ATP8A2: variants seen among roughly 807,000 people sequenced by gnomAD.
ATP8A2 encodes ATPase phospholipid transporting 8A2.
A neutral mutation model predicts 165.6 loss-of-function variants in ATP8A2; 100 were observed. That is an observed-to-expected ratio of 0.60 (90% CI 0.51 to 0.71). The LOEUF (loss-of-function observed/expected upper bound fraction) is 0.71, where lower values mean the gene tolerates loss of function less well. ATP8A2 is among the 30% of genes least tolerant of loss of function. The probability of loss-of-function intolerance (pLI) is 0.00; values close to 1 mark genes in which losing one functional copy is unlikely to be tolerated. For synonymous variants in ATP8A2, 543 were observed against 548.8 expected, an observed-to-expected ratio of 0.99 and a Z score of 0.15; for missense variants, 1,227 against 1,479.5, an observed-to-expected ratio of 0.83 and a Z score of 2.80.
At chr13:25,852,659 A>T (rs185465592) in intron 30 of ATP8A2, among the ~76,000 whole-genome samples, 45 of 152,308 alleles carry the variant, frequency 3.0e-4, no homozygotes, top group African/African-American at 9.9e-4. Flanking sequence ...TCAGTTAATT[A>T]GTACAAACTC....
chr13:25,938,847 C>CT (rs796202933), intron 33 of ATP8A2, among the ~76,000 whole-genome samples: 7,090 of 144,396 alleles, frequency 0.049, 508 homozygotes, highest in African/African-American at 0.16. Flanking sequence ...TTCTCCTTTC[C>CT]TTTTTTTTTT....
chr13:25,830,299 C>T (rs149172098), intron 28 of ATP8A2, among the ~76,000 whole-genome samples: 14 of 152,148 alleles, frequency 9.2e-5, no homozygotes, highest in South Asian at 4.2e-4. Flanking sequence ...AGTCATGAGC[C>T]GCAAACTTTT....
chr13:25,568,551 C>A (rs184437803), intron 16 of ATP8A2, among the ~76,000 whole-genome samples: 4 of 152,144 alleles, frequency 2.6e-5, no homozygotes, highest in Non-Finnish European at 4.4e-5. Context: ...GAGGTACATA[C>A]AATAGGCAAA....
intron 18 of ATP8A2, 135 bp downstream of exon 18, chr13:25,571,827 G>A (rs765815354): frequency 3.7e-6 from 3 of 812,506 alleles, no homozygotes; most frequent in South Asian, 2.8e-5. Context: ...ACAAACTGGA[G>A]TTAATGTGAT....
intron 1 of ATP8A2, among the ~76,000 whole-genome samples, chr13:25,402,727 C>A (rs75458246): frequency 0.01 from 1,560 of 152,242 alleles, 24 homozygotes; most frequent in African/African-American, 0.035. Flanking sequence ...GAGGGCTCCG[C>A]CTTTGAGAAT....
intron 34 of ATP8A2, among the ~76,000 whole-genome samples, chr13:25,964,455 G>T (rs896530010): frequency 6.6e-6 from 1 of 152,156 alleles, no homozygotes; most frequent in South Asian, 2.1e-4. Context: ...AAATTCGGAG[G>T]CTTCTCACAA....
intron 1 of ATP8A2, among the ~76,000 whole-genome samples, chr13:25,458,134 A>T (rs1012027485): frequency 1.3e-5 from 2 of 152,168 alleles, no homozygotes. Flanking sequence ...CCCAAGAAAG[A>T]TTAGAAGGAA....
At chr13:25,904,257 C>G (rs1214500335) in intron 33 of ATP8A2, among the ~76,000 whole-genome samples, 1 of 152,182 alleles carries the variant, frequency 6.6e-6, no homozygotes, top group African/African-American at 2.4e-5. Flanking sequence ...AAATCAGAAA[C>G]CTTGGGGAGT....
At chr13:25,485,009 A>G (rs2137605062) in intron 2 of ATP8A2, among the ~76,000 whole-genome samples, 1 of 152,290 alleles carries the variant, frequency 6.6e-6, no homozygotes, top group East Asian at 1.9e-4. Context: ...TTTCTCTAGT[A>G]CTCAGCTTTG....
chr13:25,835,190 G>A (rs1331953655), intron 28 of ATP8A2, among the ~76,000 whole-genome samples: 2 of 152,284 alleles, frequency 1.3e-5, no homozygotes, highest in Non-Finnish European at 1.5e-5. Flanking sequence ...CAATGGAGGT[G>A]AGAGTATGTA....
chr13:25,922,517 A>T lies in ATP8A2; in HGVS notation c.3184-39058A>T, dbSNP rs903434957. Among the ~76,000 whole-genome samples the T allele has an allele frequency of 9.9e-5, 15 of 152,206 alleles. 1 individual carries two copies. The highest frequency in any genetic ancestry group is 2.9e-4 in the African/African-American group (12 of 41,458). On this transcript the variant is annotated intron_variant, in intron 33 of 36. Transcript: ENST00000381655. ...ATTTGCAGAGATGACAGAAAGGGACATCTGTTTCCAGTCAGTGGGCAGGGA... is the reference window on the plus strand; with the variant it reads ...ATTTGCAGAGATGACAGAAAGGGACTTCTGTTTCCAGTCAGTGGGCAGGGA...
chr13:25,868,881 A>G (rs1952598057), intron 33 of ATP8A2, among the ~76,000 whole-genome samples: 1 of 152,092 alleles, frequency 6.6e-6, no homozygotes, highest in Non-Finnish European at 1.5e-5. Flanking sequence ...CACTCTGGCT[A>G]ACACAGTGAA....
chr13:25,451,276 A>G (rs535819413), intron 1 of ATP8A2, among the ~76,000 whole-genome samples: 3 of 152,244 alleles, frequency 2.0e-5, no homozygotes, highest in African/African-American at 4.8e-5. Context: ...TTTCCATTAC[A>G]AATTCAATTC....
At chr13:25,393,860 G>A (rs2033332546) in intron 1 of ATP8A2, among the ~76,000 whole-genome samples, 1 of 152,198 alleles carries the variant, frequency 6.6e-6, no homozygotes, top group African/African-American at 2.4e-5. Context: ...GGGGTTAGCT[G>A]GGAAGGGTCC....
intron 35 of ATP8A2, among the ~76,000 whole-genome samples, chr13:26,002,144 A>G (rs2139324294): frequency 6.6e-6 from 1 of 152,326 alleles, no homozygotes; most frequent in Middle Eastern, 3.4e-3. Flanking sequence ...TTTTGTGATG[A>G]GACATTTGAA....
At chr13:25,644,483 G>C (rs78051659) in intron 24 of ATP8A2, among the ~76,000 whole-genome samples, 4,465 of 150,260 alleles carry the variant, frequency 0.03, 123 homozygotes, top group East Asian at 0.13. Flanking sequence ...GAGGATTTTT[G>C]CATCTGTGTT....
At chr13:25,996,191 A>G (rs377474187) in intron 35 of ATP8A2, among the ~76,000 whole-genome samples, 13 of 152,206 alleles carry the variant, frequency 8.5e-5, no homozygotes, top group Non-Finnish European at 1.6e-4. Flanking sequence ...AAAAGGCAGT[A>G]TGTAATTGGC....
intron 2 of ATP8A2, among the ~76,000 whole-genome samples, chr13:25,523,791 G>A (rs2037746278): frequency 6.6e-6 from 1 of 151,664 alleles, no homozygotes; most frequent in Admixed American, 6.6e-5. Flanking sequence ...TGTCAATTTT[G>A]CTTATCTTTT....
At chr13:25,829,036 G>T (rs1951388300) in intron 28 of ATP8A2, among the ~76,000 whole-genome samples, 1 of 152,166 alleles carries the variant, frequency 6.6e-6, no homozygotes, top group Admixed American at 6.5e-5. Flanking sequence ...AACCTATGGT[G>T]CTATAAATCC....
Sources: gnomAD v4.1 joint callset for allele counts (sites outside exome capture counted in the v4.1 genomes callset) on GRCh38, gnomAD v4.1.1 for gene constraint, MANE v1.5 for transcripts, NCBI Gene and HGNC (gene_info 2026-07-23, HGNC 2026-07-21) for gene names.